The following RPS6KA6 variants were observed in gnomAD, a reference collection of about 807,000 sequenced individuals.
RPS6KA6 encodes ribosomal protein S6 kinase A6.
In RPS6KA6, 27 loss-of-function variants were observed where a neutral mutation model predicts 65.4. The observed-to-expected ratio is 0.41, with a 90% CI of 0.30 to 0.57. RPS6KA6 has a LOEUF of 0.57. Ranked by LOEUF, RPS6KA6 falls within the 20% of genes least tolerant of loss-of-function variation. The pLI, the probability that RPS6KA6 is intolerant of heterozygous loss-of-function variation, is 0.24. For missense variants in RPS6KA6, 486 were observed against 555.6 expected (o/e 0.87, Z 1.26); for synonymous variants, 190 against 184.2 (o/e 1.03, Z -0.26).
intron 20 of RPS6KA6, among the ~76,000 whole-genome samples, chrX:84,076,403 G>C (rs1265205246): frequency 8.9e-6 from 1 of 111,808 alleles, no homozygotes; most frequent in Admixed American, 9.5e-5. Flanking sequence ...TGCAAAAATT[G>C]TAAGGAAAAT....
chrX:84,120,791 G>A (rs1418900536), intron 8 of RPS6KA6, among the ~76,000 whole-genome samples: 1 of 111,510 alleles, frequency 9.0e-6, no homozygotes, highest in African/African-American at 3.3e-5. Context: ...AATTTCTTTT[G>A]TAGAAATCAA....
At position 84,157,962 on chromosome X, in the gene RPS6KA6, T is replaced by C. The variant is rs774223341; in HGVS notation, c.142-1771A>G. Among the ~76,000 whole-genome samples the C allele has an allele frequency of 2.7e-5, 3 of 109,260 alleles. No homozygotes were observed. In the South Asian group the frequency reaches 1.2e-3, roughly 43 times the overall value. The allele number at this position is 109,260 out of a possible 115,157, so 94.9% of individuals were successfully genotyped here. A position where few individuals can be genotyped will look rare whatever the true frequency, so the allele number is the denominator to read the frequency against. Reference sequence around the variant, plus strand: ...CTCTAAAAAGCTCCCAATATGAAAATGCAACTAGATGAGAAAAATCACTTT... The same window carrying C: ...CTCTAAAAAGCTCCCAATATGAAAACGCAACTAGATGAGAAAAATCACTTT... On this transcript the variant is annotated intron_variant, in intron 2 of 21. Coordinates refer to ENST00000262752, the MANE Select transcript of RPS6KA6 (RefSeq NM_014496.5).
rs755276849 is a variant in RPS6KA6 at position 84,187,933 on chromosome X, G to T, written c.-34C>A. On this transcript the variant is annotated 5_prime_UTR_variant, in exon 1 of 22. Transcript: ENST00000262752. The stretch of plus-strand genomic sequence containing the variant: ...CAGGAGCACTCAAACAGGAGCTGCC[G>T]CCTACCGCTGGCGCGGCCGCGCATC... 7.8e-5 allele frequency: 88 copies of T among 1,131,802 alleles called. No homozygotes were observed. The highest frequency in any genetic ancestry group is 4.2e-5 in the Non-Finnish European group (35 of 842,378). 93.3% of individuals were successfully genotyped at this position (1,131,802 alleles called of 1,213,427 possible).
chrX:84,132,148 C>A (rs991016215), intron 8 of RPS6KA6, among the ~76,000 whole-genome samples: 1 of 111,213 alleles, frequency 9.0e-6, no homozygotes, highest in Non-Finnish European at 1.9e-5. Flanking sequence ...ATAGGCTGGG[C>A]ACAGTGGCTC....
At chrX:84,103,455 C>T (rs1286637237) in intron 17 of RPS6KA6, among the ~76,000 whole-genome samples, 2 of 111,278 alleles carry the variant, frequency 1.8e-5, no homozygotes, top group Admixed American at 1.9e-4. Flanking sequence ...TGTAAGTTAT[C>T]CTTATCTTTA....
intron 20 of RPS6KA6, among the ~76,000 whole-genome samples, chrX:84,077,159 A>G (rs2033678859): frequency 9.0e-6 from 1 of 111,438 alleles, no homozygotes; most frequent in South Asian, 3.7e-4. Context: ...TAAAATGTCA[A>G]TTCTTCCCAA....
At chrX:84,089,745 C>T (rs759819314) in intron 20 of RPS6KA6, among the ~76,000 whole-genome samples, 9 of 111,335 alleles carry the variant, frequency 8.1e-5, no homozygotes, top group Non-Finnish European at 1.5e-4. Context: ...CATCACCCCA[C>T]CCTGCTATTC....
chrX:84,177,022 T>A (rs975966348), intron 1 of RPS6KA6, among the ~76,000 whole-genome samples: 11 of 110,844 alleles, frequency 9.9e-5, no homozygotes, highest in Non-Finnish European at 9.4e-5. Flanking sequence ...AAAGAAAATA[T>A]AAGTTCAGCA....
At chrX:84,074,685 T>C (rs935341279) in intron 20 of RPS6KA6, among the ~76,000 whole-genome samples, 1 of 111,099 alleles carries the variant, frequency 9.0e-6, no homozygotes, top group Admixed American at 9.6e-5. Flanking sequence ...AAAAACAAAT[T>C]TGACATTAAG....
intron 9 of RPS6KA6, among the ~76,000 whole-genome samples, chrX:84,118,550 A>G (rs2034610923): frequency 9.0e-6 from 1 of 111,716 alleles, no homozygotes; most frequent in South Asian, 3.7e-4. Flanking sequence ...CCTATGCTAC[A>G]TGTTAAAAAT....
intron 2 of RPS6KA6, among the ~76,000 whole-genome samples, chrX:84,158,258 G>A (rs1352201345): frequency 9.0e-6 from 1 of 111,043 alleles, no homozygotes; most frequent in Non-Finnish European, 1.9e-5. Context: ...ACTGTGAGAT[G>A]ATGGATGTTA....
At chrX:84,119,813 T>A in intron 9 of RPS6KA6, 72 bp downstream of exon 9, 2 of 889,219 alleles carry the variant, frequency 2.2e-6, no homozygotes, top group Non-Finnish European at 2.9e-6. Flanking sequence ...AATCCCAAAA[T>A]TTGAATTAAA....
intron 1 of RPS6KA6, among the ~76,000 whole-genome samples, chrX:84,166,361 C>T (rs923870383): frequency 3.6e-5 from 4 of 111,086 alleles, no homozygotes; most frequent in African/African-American, 9.8e-5. Context: ...AATAAACACA[C>T]CTGAATGAAA....
Position 84,148,179 on chromosome X carries a change from G to C in RPS6KA6, c.259-56C>G. The C allele has an allele frequency of 8.1e-6, 6 of 737,060 alleles. No homozygotes were observed. The South Asian group carries it at 1.5e-4, about 19-fold the overall frequency. The allele number at this position is 737,060 out of a possible 1,213,427, so 60.7% of individuals were successfully genotyped here. Reference sequence around the variant, plus strand: ...AAAATTCACATTTCTAGTCATTCTTGCTCTACACAAACACACCAGCATACA... The same window carrying C: ...AAAATTCACATTTCTAGTCATTCTTCCTCTACACAAACACACCAGCATACA... On this transcript the variant is annotated intron_variant, in intron 3 of 21. Transcript: ENST00000262752.
intron 20 of RPS6KA6, among the ~76,000 whole-genome samples, chrX:84,088,080 C>A (rs940775207): frequency 8.9e-6 from 1 of 111,915 alleles, no homozygotes; most frequent in Non-Finnish European, 1.9e-5. Context: ...TGATTCATAG[C>A]TTCTTTGCAT....
Position 84,116,186 on chromosome X carries a change from G to T in RPS6KA6, c.1008+43C>A, listed in dbSNP as rs749796201. 4.0e-6 allele frequency: 3 copies of T among 748,815 alleles called. No homozygotes were observed. In the South Asian group the frequency reaches 7.4e-5, roughly 19 times the overall value. The allele number at this position is 748,815 out of a possible 1,213,427, so 61.7% of individuals were successfully genotyped here. On this transcript the variant is annotated intron_variant, in intron 12 of 21. Coordinates refer to ENST00000262752, the MANE Select transcript of RPS6KA6 (RefSeq NM_014496.5). ...AATAAATCTTTAATATCCTGTGTTG[G>T]TCATATGAAGTTATTCAATAACAAG...
At chrX:84,146,850 C>T (rs2035207903) in intron 5 of RPS6KA6, 128 bp downstream of exon 5, 1 of 353,618 alleles carries the variant, frequency 2.8e-6, no homozygotes, top group Non-Finnish European at 4.8e-6. Context: ...TTTTACGTAG[C>T]TGAATATACT....
intron 2 of RPS6KA6, among the ~76,000 whole-genome samples, chrX:84,156,714 G>A (rs1408559995): frequency 1.8e-5 from 2 of 111,597 alleles, no homozygotes; most frequent in African/African-American, 6.5e-5. Context: ...CCAGGCTATG[G>A]CCCGTTTACT....
intron 12 of RPS6KA6, among the ~76,000 whole-genome samples, chrX:84,109,664 T>C (rs1010520858): frequency 9.0e-6 from 1 of 110,752 alleles, no homozygotes; most frequent in Non-Finnish European, 1.9e-5. Flanking sequence ...AGGCACATGA[T>C]GTACCCTAGG....
Sources: gnomAD v4.1 joint callset for allele counts (sites outside exome capture counted in the v4.1 genomes callset) on GRCh38, gnomAD v4.1.1 for gene constraint, MANE v1.5 for transcripts, NCBI Gene and HGNC (gene_info 2026-07-23, HGNC 2026-07-21) for gene names.